The following ZFAND3 variants were observed in gnomAD, a reference collection of about 807,000 sequenced individuals.
ZFAND3 encodes AN1-type zinc finger protein 3.
A neutral mutation model predicts 29.6 loss-of-function variants in ZFAND3; 10 were observed. The ratio of observed to expected loss-of-function variants is 0.34; its 90% CI spans 0.21 to 0.57. The LOEUF (loss-of-function observed/expected upper bound fraction) is 0.57. Among genes scored for constraint, ZFAND3 ranks in the 20% least tolerant of loss-of-function variants. ZFAND3 has a pLI of 0.86. For synonymous variants in ZFAND3, 128 were observed against 112.6 expected, an observed-to-expected ratio of 1.14 and a Z score of -0.87; for missense variants, 230 against 304.5, an observed-to-expected ratio of 0.76 and a Z score of 1.82.
intron 2 of ZFAND3, among the ~76,000 whole-genome samples, chr6:38,052,679 G>C (rs6924634): frequency 0.3 from 45,890 of 151,888 alleles, 7,480 homozygotes; most frequent in East Asian, 0.57. Context: ...GTTCAAATAT[G>C]AGTAGGATTT....
At chr6:37,886,637 T>C (rs187711449) in intron 1 of ZFAND3, among the ~76,000 whole-genome samples, 2 of 152,332 alleles carry the variant, frequency 1.3e-5, no homozygotes, top group East Asian at 1.9e-4. Context: ...CTGAGGTACA[T>C]GTGCATGAGT....
intron 2 of ZFAND3, among the ~76,000 whole-genome samples, chr6:37,962,299 T>C (rs1762211065): frequency 2.0e-5 from 3 of 152,172 alleles, no homozygotes; most frequent in Non-Finnish European, 4.4e-5. Flanking sequence ...TTTGAAAATA[T>C]GCAGTCAGGC....
chr6:38,062,409 TACTC>T (rs955459456), intron 3 of ZFAND3: 3 of 151,750 alleles, frequency 2.0e-5, no homozygotes, highest in African/African-American at 7.3e-5. Flanking sequence ...TTTTTTTAGA[TACTC>T]ACTCTGTTGC....
intron 2 of ZFAND3, among the ~76,000 whole-genome samples, chr6:37,950,579 A>G (rs979646428): frequency 3.9e-5 from 6 of 152,026 alleles, no homozygotes; most frequent in Non-Finnish European, 1.5e-5. Context: ...GGGTTTCACC[A>G]TCCTGGCCAG....
chr6:37,915,311 T>C (rs964520113), intron 1 of ZFAND3, among the ~76,000 whole-genome samples: 1 of 152,228 alleles, frequency 6.6e-6, no homozygotes, highest in African/African-American at 2.4e-5. Context: ...TTCTGCATAT[T>C]CGTATGTTCA....
At chr6:37,886,535 A>G (rs1170588820) in intron 1 of ZFAND3, among the ~76,000 whole-genome samples, 1 of 152,168 alleles carries the variant, frequency 6.6e-6, no homozygotes, top group Non-Finnish European at 1.5e-5. Context: ...TAATCACAGG[A>G]GATTTTCTGC....
At chr6:37,831,092 C>G (rs928059460) in intron 1 of ZFAND3, among the ~76,000 whole-genome samples, 3 of 152,138 alleles carry the variant, frequency 2.0e-5, no homozygotes, top group Non-Finnish European at 4.4e-5. Context: ...GGATTGGAAT[C>G]AAAGACGTGA....
At position 37,904,122 on chromosome 6, in the gene ZFAND3, A is replaced by G. The variant is rs73419471; in HGVS notation, c.72-25837A>G. 1.4e-3 allele frequency among the ~76,000 whole-genome samples: 215 copies of G among 152,316 alleles called. 1 individual carries two copies. The highest frequency in any genetic ancestry group is 4.3e-3 in the African/African-American group (178 of 41,580). On this transcript the variant is annotated intron_variant, in intron 1 of 5. Coordinates refer to ENST00000287218, the MANE Select transcript of ZFAND3 (RefSeq NM_021943.3). ...ATAGTGGTGCAAATGTGCTGCTCTG[A>G]CATACATAAGGTTGTCCCAAGTTGC...
In ZFAND3 at chr6:38,116,627, T is replaced by C. The variant is rs772610470; in HGVS notation, c.417T>C (p.Asn139=). Residue 139 remains asparagine, a synonymous_variant, in exon 5 of 6, where the codon AAT becomes AAC. Transcript: ENST00000287218. ...TAAAACGGCCACGACTACTTGAGAATACGGAACGGTCCGAGGAAACCAGTC... is the reference window on the plus strand; with the variant it reads ...TAAAACGGCCACGACTACTTGAGAACACGGAACGGTCCGAGGAAACCAGTC... ...SPVKRPRLLE[N]TERSEETSRS... The C allele has an allele frequency of 6.2e-7, 1 of 1,614,100 alleles. No homozygotes were observed. Among genetic ancestry groups the C allele is most frequent in the South Asian group, 1.1e-5 (1 of 91,070 alleles).
chr6:38,098,926 G>T (rs980904080), intron 4 of ZFAND3, among the ~76,000 whole-genome samples: 1 of 151,888 alleles, frequency 6.6e-6, no homozygotes, highest in Non-Finnish European at 1.5e-5. Flanking sequence ...TTTTGTTTTG[G>T]TAGAGATGGG....
intron 2 of ZFAND3, among the ~76,000 whole-genome samples, chr6:38,058,732 T>G (rs1764179126): frequency 6.6e-6 from 1 of 152,248 alleles, no homozygotes; most frequent in African/African-American, 2.4e-5. Context: ...GACCTGTCCT[T>G]GCTACTTATT....
At chr6:37,963,008 C>A (rs962750526) in intron 2 of ZFAND3, among the ~76,000 whole-genome samples, 1 of 152,130 alleles carries the variant, frequency 6.6e-6, no homozygotes, top group Non-Finnish European at 1.5e-5. Flanking sequence ...GGCTTCACTC[C>A]TGAAGTCATG....
intron 2 of ZFAND3, among the ~76,000 whole-genome samples, chr6:38,051,030 T>G (rs1310212411): frequency 6.6e-6 from 1 of 152,026 alleles, no homozygotes; most frequent in Admixed American, 6.6e-5. Context: ...AGGGAGTATT[T>G]AGGGGTAGGA....
chr6:37,857,059 C>T (rs1764397174), intron 1 of ZFAND3, among the ~76,000 whole-genome samples: 1 of 152,084 alleles, frequency 6.6e-6, no homozygotes, highest in Non-Finnish European at 1.5e-5. Flanking sequence ...CCTCCCACTT[C>T]AGCCTCCCCA....
chr6:38,097,346 C>T (rs1765004223), intron 4 of ZFAND3, among the ~76,000 whole-genome samples: 2 of 151,712 alleles, frequency 1.3e-5, no homozygotes, highest in Admixed American at 1.3e-4. Flanking sequence ...CTCTGCCACC[C>T]AAAGTGCTAG....
intron 1 of ZFAND3, among the ~76,000 whole-genome samples, chr6:37,859,908 G>T: frequency 1.6e-5 from 2 of 123,120 alleles, no homozygotes; most frequent in Admixed American, 1.0e-4. Flanking sequence ...TCTTGCTCTT[G>T]TCACCCAGGC....
At chr6:37,859,340 TTTTA>T (rs1412099547) in intron 1 of ZFAND3, among the ~76,000 whole-genome samples, 2 of 152,248 alleles carry the variant, frequency 1.3e-5, no homozygotes, top group Non-Finnish European at 2.9e-5. Flanking sequence ...TTTGCTTAAA[TTTTA>T]TTTCAGTGTT....
intron 1 of ZFAND3, among the ~76,000 whole-genome samples, chr6:37,919,793 C>T (rs904612856): frequency 2.0e-5 from 3 of 152,172 alleles, no homozygotes; most frequent in Admixed American, 1.3e-4. Flanking sequence ...CGAATCCTCC[C>T]CTTTTTATAA....
intron 2 of ZFAND3, among the ~76,000 whole-genome samples, chr6:38,007,892 T>G (rs576697272): frequency 2.0e-5 from 3 of 152,254 alleles, no homozygotes; most frequent in Admixed American, 2.0e-4. Context: ...TGGGAGACTG[T>G]GGAAGGGATA....
Sources: gnomAD v4.1 joint callset for allele counts (sites outside exome capture counted in the v4.1 genomes callset) on GRCh38, gnomAD v4.1.1 for gene constraint, MANE v1.5 for transcripts, NCBI Gene and HGNC (gene_info 2026-07-23, HGNC 2026-07-21) for gene names.